Variants in DHRS4L2 observed in about 807,000 individuals in gnomAD.
The protein encoded by DHRS4L2 is dehydrogenase/reductase 4 like 2, also known as dehydrogenase/reductase SDR family member 4-like 2.
A neutral mutation model predicts 23.9 loss-of-function variants in DHRS4L2; 22 were observed. The ratio of observed to expected loss-of-function variants is 0.92; its 90% CI spans 0.66 to 1.31. The LOEUF (loss-of-function observed/expected upper bound fraction) is 1.31. DHRS4L2 is among the 40% of genes most tolerant of loss of function. The probability of loss-of-function intolerance (pLI) is 0.00; values close to 1 mark genes in which losing one functional copy is unlikely to be tolerated. For synonymous variants in DHRS4L2, 141 were observed against 123.7 expected, an observed-to-expected ratio of 1.14 and a Z score of -0.93; for missense variants, 385 against 303.3, an observed-to-expected ratio of 1.27 and a Z score of -2.00.
At chr14:23,977,593 A>G (rs1363928447) in intron 1 of DHRS4L2, among the ~76,000 whole-genome samples, 3 of 151,784 alleles carry the variant, frequency 2.0e-5, no homozygotes, top group African/African-American at 7.3e-5. Flanking sequence ...GGAACCCCCA[A>G]AATCACTTTA....
chr14:24,001,738 TCA>T (rs1283442561), intron 6 of DHRS4L2, among the ~76,000 whole-genome samples: 1 of 119,574 alleles, frequency 8.4e-6, no homozygotes, highest in Non-Finnish European at 1.6e-5. Context: ...CAGACTGTAC[TCA>T]CACTGTTTCC....
exon 1 of DHRS4L2, chr14:23,969,990 C>T (rs1228997325): frequency 1.5e-5 from 7 of 454,186 alleles, no homozygotes; most frequent in Non-Finnish European, 2.6e-5. Context: ...CTGCGGCAGC[C>T]CTCACCGCCC....
chr14:23,986,341 C>T (rs2034139031), upstream of DHRS4L2, among the ~76,000 whole-genome samples: 1 of 151,210 alleles, frequency 6.6e-6, no homozygotes, highest in Admixed American at 6.6e-5. Context: ...GGGAACATCA[C>T]ACACTGGGGC....
At chr14:23,986,794 C>T (rs1746478802), upstream of DHRS4L2, among the ~76,000 whole-genome samples, 1 of 151,394 alleles carries the variant, frequency 6.6e-6, no homozygotes. Context: ...AGCAGTCCTC[C>T]TGTGTACCCT....
chr14:23,975,235 G>A (rs1199826648), intron 1 of DHRS4L2, among the ~76,000 whole-genome samples: 1 of 151,776 alleles, frequency 6.6e-6, no homozygotes, highest in Non-Finnish European at 1.5e-5. Flanking sequence ...CTTCAGCAAA[G>A]TCTCAGGATA....
upstream of DHRS4L2, among the ~76,000 whole-genome samples, chr14:23,984,518 C>A (rs540510865): frequency 1.1e-4 from 16 of 151,450 alleles, no homozygotes; most frequent in African/African-American, 3.6e-4. Context: ...AACACCCGAC[C>A]GGGCGCAGTG....
chr14:23,972,611 A>G (rs2033883865), intron 1 of DHRS4L2, among the ~76,000 whole-genome samples: 1 of 151,944 alleles, frequency 6.6e-6, no homozygotes, highest in Admixed American at 6.5e-5. Flanking sequence ...GGGTATTTCT[A>G]GTCAGGTGGG....
At chr14:24,004,134 G>C (rs987548069) in intron 6 of DHRS4L2, among the ~76,000 whole-genome samples, 3 of 147,024 alleles carry the variant, frequency 2.0e-5, no homozygotes, top group Admixed American at 6.7e-5. Context: ...GCCGGGCGCA[G>C]TGGCGGGCGC....
At chr14:23,983,952 G>A (rs35666932), upstream of DHRS4L2, among the ~76,000 whole-genome samples, 10,258 of 151,006 alleles carry the variant, frequency 0.068, 618 homozygotes, top group East Asian at 0.2. Context: ...TGATGGGTGC[G>A]GTAAACCACC....
rs747699153 is a variant in DHRS4L2 at position 24,001,442 on chromosome 14, C to T, written c.590C>T (p.Ala197Val). Residue 197 changes from alanine (A) to valine (V), a missense_variant, in exon 6 of 8, where the codon GCC (alanine) becomes GTC (valine). Physicochemically the swap from Ala to Val is moderately conservative, Grantham distance 64. Transcript: ENST00000335125. The part of the protein sequence containing the change: ...TALLGLNNTL[A>V]IELAPRNIRV... ...TTGCTGGGCCTCAACAATACCCTGG[C>T]CATAGAGCTGGCCCCAAGGAACATT... 1.9e-6 allele frequency: 3 copies of T among 1,607,446 alleles called. 1 individual carries two copies. The Admixed American group carries it at 5.0e-5, about 27-fold the overall frequency.
At chr14:24,005,748 T>C in intron 7 of DHRS4L2, 138 bp from the exon 8 acceptor site, 1 of 1,440,858 alleles carries the variant, frequency 6.9e-7, no homozygotes, top group Non-Finnish European at 9.4e-7. Context: ...CCCTATTTGA[T>C]AGGCAGAAAG....
At chr14:23,974,828 G>A (rs1462064727) in intron 1 of DHRS4L2, among the ~76,000 whole-genome samples, 3 of 151,814 alleles carry the variant, frequency 2.0e-5, no homozygotes, top group African/African-American at 4.8e-5. Context: ...GTACAAAGAG[G>A]AGCTGGTACT....
At position 24,000,761 on chromosome 14, in the gene DHRS4L2, G is replaced by A; in HGVS notation, c.409-102G>A. ...GTATATCATCCTAAGATCTTCGTCA[G>A]CTCTGACAAACATCCTAGGAACCCA... On this transcript the variant is annotated intron_variant, in intron 3 of 7. Transcript: ENST00000335125. The A allele has an allele frequency of 4.0e-6, 4 of 1,008,748 alleles. 1 individual carries two copies. The allele number at this position is 1,008,748 out of a possible 1,614,324, so 62.5% of individuals were successfully genotyped here.
intron 1 of DHRS4L2, among the ~76,000 whole-genome samples, chr14:23,989,614 A>G (rs1179480844): frequency 1.3e-5 from 2 of 151,454 alleles, no homozygotes; most frequent in African/African-American, 2.4e-5. Context: ...TCTCATTTCT[A>G]CAGGACTTTG....
intron 2 of DHRS4L2, among the ~76,000 whole-genome samples, chr14:23,991,889 C>A (rs2034277568): frequency 6.6e-6 from 1 of 151,392 alleles, no homozygotes; most frequent in Admixed American, 6.6e-5. Context: ...GCATCCACCA[C>A]CACGTCCAGC....
intron 1 of DHRS4L2, among the ~76,000 whole-genome samples, chr14:23,980,893 AC>A (rs1427734216): frequency 6.6e-6 from 1 of 151,716 alleles, no homozygotes; most frequent in African/African-American, 2.4e-5. Context: ...GAAAATCGGC[AC>A]AAGACAAGGA....
At chr14:23,984,731 C>G (rs1566490545), upstream of DHRS4L2, among the ~76,000 whole-genome samples, 2 of 137,582 alleles carry the variant, frequency 1.5e-5, no homozygotes, top group African/African-American at 2.8e-5. Flanking sequence ...CGCTTGAACC[C>G]GGGAGGCAGA....
chr14:24,006,194 C>G lies in DHRS4L2; in HGVS notation c.*331C>G. 8.2e-7 allele frequency: 1 copy of G among 1,213,812 alleles called. No homozygotes were observed. The highest frequency in any genetic ancestry group is 1.7e-5 in the South Asian group (1 of 58,918). The allele number at this position is 1,213,812 out of a possible 1,614,324, so 75.2% of individuals were successfully genotyped here. A position where few individuals can be genotyped will look rare whatever the true frequency, so the allele number is the denominator to read the frequency against. Reference sequence around the variant, plus strand: ...TCGGGATTCCTGCTGTTGTTGTGGCCTTGGGTAAAGGCCTCCCCTGAGAAC... The same window carrying G: ...TCGGGATTCCTGCTGTTGTTGTGGCGTTGGGTAAAGGCCTCCCCTGAGAAC... On this transcript the variant is annotated 3_prime_UTR_variant, in exon 8 of 8. Coordinates refer to ENST00000335125, the MANE Select transcript of DHRS4L2 (RefSeq NM_198083.4).
At position 24,006,255 on chromosome 14, in the gene DHRS4L2, T is replaced by G. The variant is rs1382391301; in HGVS notation, c.*392T>G. 6.0e-6 allele frequency: 3 copies of G among 499,928 alleles called. No individual in the cohort carries two copies. Among genetic ancestry groups the G allele is most frequent in the Non-Finnish European group, 3.3e-6 (1 of 306,764 alleles). The allele number at this position is 499,928 out of a possible 1,614,324, so 31.0% of individuals were successfully genotyped here. The stretch of plus-strand genomic sequence containing the variant: ...CCTGCTGACAAGGCTGAGTCTACCT[T>G]GGCAAAGACCAAGATATTTTTTCCT... On this transcript the variant is annotated 3_prime_UTR_variant, in exon 8 of 8. Coordinates refer to ENST00000335125, the MANE Select transcript of DHRS4L2 (RefSeq NM_198083.4).
Sources: gnomAD v4.1 joint callset for allele counts (sites outside exome capture counted in the v4.1 genomes callset) on GRCh38, gnomAD v4.1.1 for gene constraint, MANE v1.5 for transcripts, NCBI Gene and HGNC (gene_info 2026-07-23, HGNC 2026-07-21) for gene names.